The following FAM13A variants were observed in gnomAD, a reference collection of about 807,000 sequenced individuals.
FAM13A encodes the protein family with sequence similarity 13 member A.
FAM13A carries 76 observed loss-of-function variants against 129.6 expected under a neutral mutation model. The observed-to-expected ratio is 0.59, with a 90% CI of 0.49 to 0.71. FAM13A has a LOEUF of 0.71. FAM13A is among the 30% of genes least tolerant of loss of function. FAM13A has a pLI of 0.00. For missense variants in FAM13A, 1,108 were observed against 1,249.3 expected (o/e 0.89, Z 1.70); for synonymous variants, 443 against 449.9 (o/e 0.98, Z 0.20).
intron 5 of FAM13A, among the ~76,000 whole-genome samples, chr4:88,924,366 A>G (rs1334681504): frequency 6.6e-6 from 1 of 152,190 alleles, no homozygotes; most frequent in Non-Finnish European, 1.5e-5. Context: ...ATATAGATCA[A>G]TGGAACAGAA....
intron 1 of FAM13A, among the ~76,000 whole-genome samples, chr4:89,041,662 T>C (rs955075103): frequency 3.9e-5 from 6 of 152,158 alleles, no homozygotes; most frequent in Admixed American, 3.3e-4. Context: ...GGCTCATGCC[T>C]GTAATCTCAG....
intron 13 of FAM13A, among the ~76,000 whole-genome samples, chr4:88,763,132 A>C (rs1745104720): frequency 6.6e-6 from 1 of 152,190 alleles, no homozygotes; most frequent in South Asian, 2.1e-4. Flanking sequence ...ATTTCTTTGA[A>C]CTTCAGCTTT....
intron 7 of FAM13A, among the ~76,000 whole-genome samples, chr4:88,830,878 A>C (rs1199529493): frequency 1.3e-5 from 2 of 152,206 alleles, no homozygotes; most frequent in African/African-American, 4.8e-5. Flanking sequence ...AGAAAATAAG[A>C]TTCAAAACAT....
intron 8 of FAM13A, among the ~76,000 whole-genome samples, chr4:88,797,579 T>TA: frequency 1.3e-5 from 2 of 152,302 alleles, no homozygotes; most frequent in Middle Eastern, 3.4e-3. Context: ...ACGTAGTTTT[T>TA]ATCTTTATCC....
intron 7 of FAM13A, among the ~76,000 whole-genome samples, chr4:88,819,065 G>A (rs1222177268): frequency 6.6e-6 from 1 of 152,066 alleles, no homozygotes; most frequent in Non-Finnish European, 1.5e-5. Context: ...TTTATTAATC[G>A]TCTTTAAGTC....
chr4:88,855,541 T>TA (rs1295091192), intron 6 of FAM13A: 2 of 151,780 alleles, frequency 1.3e-5, no homozygotes, highest in Non-Finnish European at 2.9e-5. Flanking sequence ...GTTTAGCAAA[T>TA]AAAAAAGCAA....
chr4:88,907,625 T>C lies in FAM13A; in HGVS notation c.760-1163A>G, dbSNP rs117706952. Among the ~76,000 whole-genome samples, 17 of 152,336 alleles carry C rather than the reference T, an allele frequency of 1.1e-4. No homozygotes were observed. The East Asian group carries it at 3.1e-3, about 28-fold the overall frequency. Reference sequence around the variant, plus strand: ...TTTTACGCCCAATAGCCCTATGAGCTAGGAACTATTATCATCATCTCCCCT... The same window carrying C: ...TTTTACGCCCAATAGCCCTATGAGCCAGGAACTATTATCATCATCTCCCCT... On this transcript the variant is annotated intron_variant, in intron 5 of 23. Transcript: ENST00000264344.
At chr4:88,904,419 A>G (rs1408842382) in intron 6 of FAM13A, among the ~76,000 whole-genome samples, 1 of 152,188 alleles carries the variant, frequency 6.6e-6, no homozygotes, top group Non-Finnish European at 1.5e-5. Flanking sequence ...CACATACACC[A>G]TGGAATACTA....
At chr4:88,883,257 G>A (rs972743242) in intron 6 of FAM13A, among the ~76,000 whole-genome samples, 15 of 151,740 alleles carry the variant, frequency 9.9e-5, no homozygotes, top group South Asian at 2.1e-4. Flanking sequence ...TAGACCACAC[G>A]ATAAGCCACA....
chr4:88,983,010 C>T (rs77487724), intron 4 of FAM13A, among the ~76,000 whole-genome samples: 2,562 of 152,244 alleles, frequency 0.017, 81 homozygotes, highest in African/African-American at 0.058. Flanking sequence ...TTTGACTCAA[C>T]TAGGGATTTA....
chr4:88,908,833 G>A (rs149004142), intron 5 of FAM13A, among the ~76,000 whole-genome samples: 275 of 152,222 alleles, frequency 1.8e-3, no homozygotes, highest in African/African-American at 6.2e-3. Context: ...CATCAGAATG[G>A]TACTGAAACA....
intron 12 of FAM13A, 29 bp from the exon 13 acceptor site, chr4:88,767,624 C>T (rs778391136): frequency 7.2e-6 from 11 of 1,525,028 alleles, no homozygotes; most frequent in South Asian, 5.9e-5. Flanking sequence ...ACAAAAAAAT[C>T]ATAAAATATC....
At chr4:88,754,712 T>C (rs982392770) in intron 14 of FAM13A, among the ~76,000 whole-genome samples, 1 of 152,238 alleles carries the variant, frequency 6.6e-6, no homozygotes, top group African/African-American at 2.4e-5. Flanking sequence ...GTTAGTCCTA[T>C]GAAATTGTTC....
chr4:88,993,766 C>T (rs1178792516), intron 3 of FAM13A, among the ~76,000 whole-genome samples: 1 of 151,992 alleles, frequency 6.6e-6, no homozygotes, highest in Non-Finnish European at 1.5e-5. Context: ...TTTGGGAGGC[C>T]GAGGTGGGCA....
intron 6 of FAM13A, among the ~76,000 whole-genome samples, chr4:88,868,781 T>C (rs1233416423): frequency 6.6e-6 from 1 of 152,216 alleles, no homozygotes; most frequent in Non-Finnish European, 1.5e-5. Flanking sequence ...TCAATACATA[T>C]ATAATCTCTC....
chr4:88,994,571 G>C (rs1763299469), intron 3 of FAM13A, among the ~76,000 whole-genome samples: 1 of 152,122 alleles, frequency 6.6e-6, no homozygotes, highest in Non-Finnish European at 1.5e-5. Context: ...AGGGTGTGGT[G>C]GCTCATGCCT....
rs181010972 is a variant in FAM13A at position 88,767,226 on chromosome 4, A to G, written c.1578+327T>C. On this transcript the variant is annotated intron_variant, in intron 13 of 23. Transcript: ENST00000264344. ...TAAGACTCACTACCTATATATTTCA[A>G]TCACTTAAAAAATGCATCAAATTGT... Among the ~76,000 whole-genome samples the G allele has an allele frequency of 4.6e-5, 7 of 152,344 alleles. No homozygotes were observed. In the East Asian group the frequency reaches 5.8e-4, roughly 13 times the overall value.
rs938435784 is a variant in FAM13A, at chr4:88,813,173, T to C, written c.1008-8121A>G. Among the ~76,000 whole-genome samples, 5 of 152,212 alleles carry C rather than the reference T, an allele frequency of 3.3e-5. 1 individual carries two copies. The highest frequency in any genetic ancestry group is 1.3e-4 in the Admixed American group (2 of 15,274). ...GGCAAGGTAATGTTTGAGTATGGCC[T>C]TGCCACACACTATATCTGTTTGTTC... On this transcript the variant is annotated intron_variant, in intron 7 of 23. Transcript: ENST00000264344.
intron 14 of FAM13A, among the ~76,000 whole-genome samples, chr4:88,751,703 T>G (rs1742663088): frequency 1.3e-5 from 2 of 152,116 alleles, no homozygotes; most frequent in Non-Finnish European, 2.9e-5. Context: ...ACTGCAAGAC[T>G]TACCTCAATA....
Sources: gnomAD v4.1 joint callset for allele counts (sites outside exome capture counted in the v4.1 genomes callset) on GRCh38, gnomAD v4.1.1 for gene constraint, MANE v1.5 for transcripts, NCBI Gene and HGNC (gene_info 2026-07-23, HGNC 2026-07-21) for gene names.